The following TMTC3 variants were observed in gnomAD, a reference collection of about 807,000 sequenced individuals.
TMTC3 encodes protein O-mannosyl-transferase TMTC3.
In TMTC3, 52 loss-of-function variants were observed where a neutral mutation model predicts 92.2. The ratio of observed to expected loss-of-function variants is 0.56; its 90% CI spans 0.45 to 0.71. The LOEUF (loss-of-function observed/expected upper bound fraction) is 0.71. Ranked by LOEUF, TMTC3 falls within the 30% of genes least tolerant of loss-of-function variation. TMTC3 has a pLI of 0.00. For missense variants in TMTC3, 896 were observed against 1,057.1 expected, an observed-to-expected ratio of 0.85 and a Z score of 2.11; for synonymous variants, 339 against 363.3, an observed-to-expected ratio of 0.93 and a Z score of 0.76.
At chr12:88,178,964 G>A (rs1295209843) in intron 10 of TMTC3, among the ~76,000 whole-genome samples, 1 of 152,152 alleles carries the variant, frequency 6.6e-6, no homozygotes, top group African/African-American at 2.4e-5. Context: ...TGCAGACATG[G>A]ACACTCAGTT....
At chr12:88,173,842 G>A (rs1196040542) in intron 8 of TMTC3, among the ~76,000 whole-genome samples, 1 of 152,034 alleles carries the variant, frequency 6.6e-6, no homozygotes, top group African/African-American at 2.4e-5. Context: ...AAGCCATATA[G>A]GTTATCCAAG....
In TMTC3 at chr12:88,160,183, C is replaced by T; in HGVS notation, c.578C>T (p.Thr193Ile). The change falls in exon 5 of 14, where the codon ACA becomes ATA. Residue 193 changes from threonine to isoleucine, a missense_variant. Transcript: ENST00000266712. ...ACATTATGTAAAGAACAAGGAATAA[C>T]AGTTGTAGGAATTTGCTGTGTGTAT... Reference protein sequence around the residue: ...VATLCKEQGITVVGICCVYEV... With the variant: ...VATLCKEQGIIVVGICCVYEV... The T allele has an allele frequency of 1.9e-6, 3 of 1,589,246 alleles. No individual in the cohort carries two copies. Among genetic ancestry groups the T allele is most frequent in the Non-Finnish European group, 2.6e-6 (3 of 1,170,186 alleles).
chr12:88,190,601 T>A lies in TMTC3; in HGVS notation c.1685T>A (p.Phe562Tyr), dbSNP rs1476420948. 6.2e-7 allele frequency: 1 copy of A among 1,613,568 alleles called. No homozygotes were observed. The highest frequency in any genetic ancestry group is 1.3e-5 in the African/African-American group (1 of 74,914). The stretch of plus-strand genomic sequence containing the variant: ...CAAGCAATAAGCATGAGGCCCGACT[T>A]CAAGCAGGCTTACATTAGCAGGTAT... ...YRQAISMRPD[F>Y]KQAYISRGEL... is the part of the protein sequence containing the mutation. The change falls in exon 12 of 14, where the codon TTC becomes TAC. Residue 562 changes from phenylalanine to tyrosine, a missense_variant. Coordinates refer to ENST00000266712, the MANE Select transcript of TMTC3 (RefSeq NM_181783.4).
At chr12:88,191,252 T>G (rs1223013213) in intron 12 of TMTC3, among the ~76,000 whole-genome samples, 1 of 152,160 alleles carries the variant, frequency 6.6e-6, no homozygotes, top group Non-Finnish European at 1.5e-5. Flanking sequence ...TAAAATCTGT[T>G]TGTAAGTTGG....
At chr12:88,182,306 T>C (rs2041327018) in intron 10 of TMTC3, among the ~76,000 whole-genome samples, 1 of 152,202 alleles carries the variant, frequency 6.6e-6, no homozygotes, top group African/African-American at 2.4e-5. Flanking sequence ...TCTAGTTACC[T>C]CTGAGAAACA....
chr12:88,184,311 A>G (rs1170479011), intron 10 of TMTC3, among the ~76,000 whole-genome samples: 1 of 152,200 alleles, frequency 6.6e-6, no homozygotes, highest in East Asian at 1.9e-4. Context: ...ATGAATAATC[A>G]AAGGTTGATT....
chr12:88,190,716 T>C lies in TMTC3; in HGVS notation c.1706+94T>C, dbSNP rs1316806429. On this transcript the variant is annotated intron_variant, in intron 12 of 13. Transcript: ENST00000266712. ...GAATTGGTTTTTTTTGAAAAAAAAT[T>C]ATGTTTTTAATAATCTTACTTAGCA... is the stretch of plus-strand genomic sequence containing the variant. 2.9e-6 allele frequency: 4 copies of C among 1,365,794 alleles called. No individual in the cohort carries two copies. The African/African-American group carries it at 4.4e-5, about 15-fold the overall frequency. 84.6% of individuals were successfully genotyped at this position (1,365,794 alleles called of 1,614,324 possible). A position where few individuals can be genotyped will look rare whatever the true frequency, so the allele number is the denominator to read the frequency against.
chr12:88,175,175 C>T (rs1367003504), intron 9 of TMTC3, among the ~76,000 whole-genome samples: 16 of 143,040 alleles, frequency 1.1e-4, no homozygotes, highest in Admixed American at 6.2e-4. Flanking sequence ...AAATGTACAG[C>T]GAAAAAAAAA....
At chr12:88,159,161 A>G (rs921808073) in intron 4 of TMTC3, among the ~76,000 whole-genome samples, 5 of 151,978 alleles carry the variant, frequency 3.3e-5, no homozygotes, top group Non-Finnish European at 5.9e-5. Context: ...ATAGTTTTTC[A>G]TAAGAAAACT....
chr12:88,166,661 G>T, intron 7 of TMTC3, 79 bp downstream of exon 7: 2 of 1,454,338 alleles, frequency 1.4e-6, no homozygotes, highest in Non-Finnish European at 9.2e-7. Flanking sequence ...TTCAGCAAAA[G>T]CATCTTTTTA....
intron 13 of TMTC3, among the ~76,000 whole-genome samples, chr12:88,193,432 T>C (rs1385685743): frequency 3.9e-5 from 6 of 152,062 alleles, no homozygotes; most frequent in Admixed American, 3.9e-4. Context: ...GTGTATATGA[T>C]TTATAATCTT....
intron 10 of TMTC3, among the ~76,000 whole-genome samples, chr12:88,188,430 C>T (rs1370143420): frequency 1.3e-5 from 2 of 151,994 alleles, no homozygotes; most frequent in South Asian, 2.1e-4. Flanking sequence ...ATAAAAATTT[C>T]TTCATTACCT....
At chr12:88,184,190 C>T (rs1336566212) in intron 10 of TMTC3, among the ~76,000 whole-genome samples, 1 of 151,916 alleles carries the variant, frequency 6.6e-6, no homozygotes, top group Admixed American at 6.6e-5. Flanking sequence ...CCCCCCTAAG[C>T]CAGCCCTGCT....
At chr12:88,176,924 G>C (rs1414826838) in intron 10 of TMTC3, among the ~76,000 whole-genome samples, 1 of 152,160 alleles carries the variant, frequency 6.6e-6, no homozygotes, top group African/African-American at 2.4e-5. Flanking sequence ...AGAATACTTG[G>C]AGACAATTCG....
At chr12:88,171,451 C>T (rs961623430) in intron 7 of TMTC3, among the ~76,000 whole-genome samples, 8 of 152,008 alleles carry the variant, frequency 5.3e-5, no homozygotes, top group Non-Finnish European at 8.8e-5. Context: ...TGAGATCATG[C>T]GTTGTTTGTC....
rs11836903 is a variant in TMTC3 at position 88,147,841 on chromosome 12, A to T, written c.-28-447A>T. Among the ~76,000 whole-genome samples the T allele has an allele frequency of 4.4e-3, 671 of 151,960 alleles. 5 individuals are homozygous for T. Among genetic ancestry groups the T allele is most frequent in the African/African-American group, 0.016 (644 of 41,444 alleles). The stretch of plus-strand genomic sequence containing the variant: ...TATTTCCAGAAGCTTTTAGAATCCT[A>T]TTTGTTTTCAGTGTTGTAAAGTTTT... On this transcript the variant is annotated intron_variant, in intron 1 of 13. Coordinates refer to ENST00000266712, the MANE Select transcript of TMTC3 (RefSeq NM_181783.4).
intron 11 of TMTC3, among the ~76,000 whole-genome samples, chr12:88,189,450 A>G (rs962635309): frequency 6.6e-6 from 1 of 152,190 alleles, no homozygotes; most frequent in African/African-American, 2.4e-5. Flanking sequence ...CTAAATTCAT[A>G]AAGTATGAAT....
At chr12:88,162,161 A>C (rs2041087506) in intron 6 of TMTC3, among the ~76,000 whole-genome samples, 2 of 152,116 alleles carry the variant, frequency 1.3e-5, no homozygotes, top group African/African-American at 4.8e-5. Context: ...ATGTAAATCT[A>C]CTGTCTTCCG....
rs773332008 is a variant in TMTC3 at position 88,190,574 on chromosome 12, G to A, written c.1658G>A (p.Arg553His). 1.2e-5 allele frequency: 19 copies of A among 1,613,658 alleles called. No homozygotes were observed. Among genetic ancestry groups the A allele is most frequent in the African/African-American group, 2.7e-5 (2 of 74,856 alleles). Residue 553 changes from arginine (R) to histidine (H), a missense_variant, in exon 12 of 14, where the codon CGT becomes CAT. Physicochemically the swap from Arg to His is conservative, Grantham distance 29 (BLOSUM62 0). Coordinates refer to ENST00000266712, the MANE Select transcript of TMTC3 (RefSeq NM_181783.4). ...CTGGAAGAAGCAGATCAGCTGTACC[G>A]TCAAGCAATAAGCATGAGGCCCGAC... ...SRLEEADQLY[R>H]QAISMRPDFK...
Sources: allele counts gnomAD v4.1 joint callset (sites outside exome capture counted in the v4.1 genomes callset), GRCh38; gene constraint gnomAD v4.1.1; transcripts MANE v1.5; gene names NCBI Gene and HGNC (gene_info 2026-07-23, HGNC 2026-07-21).